Variants in AMMECR1 observed in about 807,000 individuals in gnomAD.
AMMECR1 encodes the protein nuclear protein AMMECR1.
AMMECR1 carries 3 observed loss-of-function variants against 22.5 expected under a neutral mutation model. The ratio of observed to expected loss-of-function variants is 0.13; its 90% confidence interval spans 0.06 to 0.35. AMMECR1 has a LOEUF of 0.35. Among genes scored for constraint, AMMECR1 ranks in the 10% least tolerant of loss-of-function variants. The probability of loss-of-function intolerance (pLI) is 1.00; values close to 1 mark genes in which losing one functional copy is unlikely to be tolerated. For synonymous variants in AMMECR1, 130 were observed against 116.7 expected (o/e 1.11, Z -0.74); for missense variants, 235 against 278.7 (o/e 0.84, Z 1.12).
At chrX:110,232,591 A>G (rs1356981924) in intron 2 of AMMECR1, among the ~76,000 whole-genome samples, 2 of 111,145 alleles carry the variant, frequency 1.8e-5, no homozygotes, top group African/African-American at 6.6e-5. Context: ...ACACCCTAAC[A>G]TCACAATTAA....
intron 1 of AMMECR1, among the ~76,000 whole-genome samples, chrX:110,272,445 T>G (rs1024807887): frequency 8.9e-6 from 1 of 111,923 alleles, no homozygotes; most frequent in Non-Finnish European, 1.9e-5. Context: ...TGACTGTGTA[T>G]GCAGGATGGT....
chrX:110,308,427 A>T (rs1210670599), intron 1 of AMMECR1, among the ~76,000 whole-genome samples: 4 of 111,615 alleles, frequency 3.6e-5, no homozygotes, highest in Non-Finnish European at 7.5e-5. Context: ...CAATGCCTAC[A>T]ATGTGGGAGA....
At chrX:110,404,173 G>A (rs2068582762) in intron 2 of AMMECR1, among the ~76,000 whole-genome samples, 1 of 112,193 alleles carries the variant, frequency 8.9e-6, no homozygotes, top group African/African-American at 3.2e-5. Context: ...AGTTGGTCAG[G>A]CTCCTTCATT....
At chrX:110,380,312 A>G (rs1315506869) in intron 2 of AMMECR1, among the ~76,000 whole-genome samples, 1 of 110,933 alleles carries the variant, frequency 9.0e-6, no homozygotes, top group Non-Finnish European at 1.9e-5. Flanking sequence ...ATATAATCAG[A>G]GAGCCAAATC....
Position 110,249,982 on chromosome X carries a change from T to G in AMMECR1, c.584+14507A>C, listed in dbSNP as rs553770262. ...GAAATCTAAGGTTTTGCTTTGAGATTCTCTAACTCTGATATTGTTACTCCT... is the reference window on the plus strand; with the variant it reads ...GAAATCTAAGGTTTTGCTTTGAGATGCTCTAACTCTGATATTGTTACTCCT... On this transcript the variant is annotated intron_variant, in intron 2 of 5. Transcript: ENST00000262844. 1.6e-4 allele frequency among the ~76,000 whole-genome samples: 18 copies of G among 111,610 alleles called. No homozygotes were observed. The South Asian group carries it at 6.8e-3, about 42-fold the overall frequency.
At chrX:110,200,735 A>G (rs979247829) in intron 5 of AMMECR1, among the ~76,000 whole-genome samples, 1 of 112,353 alleles carries the variant, frequency 8.9e-6, no homozygotes, top group South Asian at 3.7e-4. Flanking sequence ...CAGAGTAATC[A>G]CACAGAGCTA....
chrX:110,272,319 A>G (rs768224328), intron 1 of AMMECR1, among the ~76,000 whole-genome samples: 57 of 111,900 alleles, frequency 5.1e-4, no homozygotes, highest in African/African-American at 1.7e-3. Context: ...AGCAAAACTA[A>G]GAATAACAGA....
At chrX:110,386,682 G>T (rs774430258) in intron 2 of AMMECR1, among the ~76,000 whole-genome samples, 1 of 111,087 alleles carries the variant, frequency 9.0e-6, no homozygotes, top group East Asian at 2.8e-4. Flanking sequence ...TTGTAAGTTC[G>T]CATATAATAA....
At chrX:110,418,547 G>GAAGGCCGGCAAGCTT (rs1489079566) in intron 2 of AMMECR1, among the ~76,000 whole-genome samples, 2 of 111,711 alleles carry the variant, frequency 1.8e-5, no homozygotes, top group Non-Finnish European at 3.8e-5. Flanking sequence ...TGAACGAGAG[G>GAAGGCCGGCAAGCTT]AAGGCCGGCA....
intron 2 of AMMECR1, among the ~76,000 whole-genome samples, chrX:110,417,977 T>C (rs1012607300): frequency 2.7e-5 from 3 of 112,727 alleles, no homozygotes; most frequent in African/African-American, 9.7e-5. Context: ...GAGCAATGAA[T>C]TGTGCCTGCA....
At chrX:110,409,026 G>T (rs760347692) in intron 2 of AMMECR1, among the ~76,000 whole-genome samples, 1 of 111,752 alleles carries the variant, frequency 8.9e-6, no homozygotes, top group Non-Finnish European at 1.9e-5. Flanking sequence ...GTGCTAGCCT[G>T]ATGGCTTCGT....
intron 2 of AMMECR1, among the ~76,000 whole-genome samples, chrX:110,412,942 C>A (rs2068651016): frequency 1.8e-5 from 2 of 111,369 alleles, no homozygotes; most frequent in African/African-American, 6.6e-5. Flanking sequence ...CTAGCATGTG[C>A]TACTTTTATA....
chrX:110,313,341 T>C (rs1190541953), intron 1 of AMMECR1, among the ~76,000 whole-genome samples: 2 of 112,553 alleles, frequency 1.8e-5, no homozygotes, highest in Non-Finnish European at 3.8e-5. Flanking sequence ...CTATGGTCTA[T>C]ACAAAATGTA....
intron 2 of AMMECR1, among the ~76,000 whole-genome samples, chrX:110,246,897 G>C (rs1415107985): frequency 9.0e-6 from 1 of 111,520 alleles, no homozygotes; most frequent in African/African-American, 3.3e-5. Flanking sequence ...ACTTAAAATG[G>C]GCTACACTAT....
At chrX:110,353,495 T>C (rs1234713534) in intron 2 of AMMECR1, among the ~76,000 whole-genome samples, 1 of 111,562 alleles carries the variant, frequency 9.0e-6, no homozygotes, top group Non-Finnish European at 1.9e-5. Flanking sequence ...CCATAAGTTT[T>C]GGAGTGTTAT....
chrX:110,284,901 A>C (rs1370912066), intron 1 of AMMECR1, among the ~76,000 whole-genome samples: 1 of 112,009 alleles, frequency 8.9e-6, no homozygotes, highest in African/African-American at 3.2e-5. Context: ...AGAAAATTCA[A>C]GCGTGAAAGC....
chrX:110,256,136 G>A (rs1244774262), intron 2 of AMMECR1, among the ~76,000 whole-genome samples: 1 of 111,682 alleles, frequency 9.0e-6, no homozygotes, highest in Non-Finnish European at 1.9e-5. Context: ...AGTCTACAAC[G>A]TACCTAGGCT....
intron 2 of AMMECR1, among the ~76,000 whole-genome samples, chrX:110,423,257 G>A (rs2068730592): frequency 9.1e-6 from 1 of 110,419 alleles, no homozygotes; most frequent in South Asian, 3.9e-4. Flanking sequence ...GAACCTGGGA[G>A]GTTGAGGTTG....
chrX:110,295,903 TATA>T (rs2067933264), intron 1 of AMMECR1, among the ~76,000 whole-genome samples: 1 of 112,079 alleles, frequency 8.9e-6, no homozygotes. Flanking sequence ...TCAACAGTTT[TATA>T]ATTAGTTTTT....
Sources: gnomAD v4.1 joint callset for allele counts (sites outside exome capture counted in the v4.1 genomes callset) on GRCh38, gnomAD v4.1.1 for gene constraint, MANE v1.5 for transcripts, NCBI Gene and HGNC (gene_info 2026-07-23, HGNC 2026-07-21) for gene names.